PSPC1: variants seen among roughly 807,000 people sequenced by gnomAD.
PSPC1 encodes the protein paraspeckle protein 1.
Under a neutral mutation model 51.6 loss-of-function variants are expected in PSPC1, and 14 were observed. The ratio of observed to expected loss-of-function variants is 0.27; its 90% CI spans 0.18 to 0.42. PSPC1 has a LOEUF of 0.42. Among genes scored for constraint, PSPC1 ranks in the 10% least tolerant of loss-of-function variants. The pLI, the probability that PSPC1 is intolerant of heterozygous loss-of-function variation, is 1.00. For synonymous variants in PSPC1, 193 were observed against 231.9 expected, an observed-to-expected ratio of 0.83 and a Z score of 1.53; for missense variants, 406 against 701.1, an observed-to-expected ratio of 0.58 and a Z score of 4.75.
chr13:19,715,187 C>G (rs1881951137), intron 6 of PSPC1, among the ~76,000 whole-genome samples: 1 of 151,972 alleles, frequency 6.6e-6, no homozygotes, highest in Non-Finnish European at 1.5e-5. Context: ...ACTTTGGCAC[C>G]CTCAATAATT....
chr13:19,751,171 T>G (rs1017662264), intron 4 of PSPC1, 100 bp downstream of exon 4: 28 of 944,868 alleles, frequency 3.0e-5, no homozygotes, highest in Non-Finnish European at 3.8e-5. Flanking sequence ...ACTTTACCTC[T>G]AAACTCCTAA....
At chr13:19,744,290 T>C (rs1885728757) in intron 4 of PSPC1, among the ~76,000 whole-genome samples, 1 of 152,080 alleles carries the variant, frequency 6.6e-6, no homozygotes, top group African/African-American at 2.4e-5. Context: ...GCTTTTAACC[T>C]CTCAGATCTT....
chr13:19,770,441 C>G (rs750169509), intron 2 of PSPC1, among the ~76,000 whole-genome samples: 28 of 152,138 alleles, frequency 1.8e-4, no homozygotes, highest in Admixed American at 7.2e-4. Context: ...AGGTGGATTA[C>G]TTGAGGTCAG....
downstream of PSPC1, among the ~76,000 whole-genome samples, chr13:19,698,235 T>C (rs550864970): frequency 6.6e-6 from 1 of 151,866 alleles, no homozygotes; most frequent in African/African-American, 2.4e-5. Flanking sequence ...TAAATAAAAA[T>C]GTGAAGCTGT....
intron 3 of PSPC1, among the ~76,000 whole-genome samples, chr13:19,757,064 G>C (rs1593726696): frequency 6.6e-6 from 1 of 151,662 alleles, no homozygotes; most frequent in African/African-American, 2.4e-5. Context: ...TGGGAGGCGG[G>C]GGTTGCAGTG....
chr13:19,726,506 T>C (rs1883372274), intron 6 of PSPC1, among the ~76,000 whole-genome samples: 1 of 152,258 alleles, frequency 6.6e-6, no homozygotes, highest in Non-Finnish European at 1.5e-5. Flanking sequence ...CAAAGATCAA[T>C]GTATTACAAT....
chr13:19,730,969 A>AAAAAAAAC (rs1884022608), intron 5 of PSPC1, among the ~76,000 whole-genome samples: 3 of 146,606 alleles, frequency 2.0e-5, no homozygotes, highest in Non-Finnish European at 4.5e-5. Flanking sequence ...AAAAAACAAA[A>AAAAAAAAC]AAAAAAAAAA....
rs1593500629 is a variant in PSPC1, at chr13:19,674,985, C to G, written c.*77-1G>C. 3 of 152,396 alleles carry G rather than the reference C, an allele frequency of 2.0e-5. 1 individual carries two copies. The East Asian group carries it at 5.8e-4, about 29-fold the overall frequency. 9.4% of individuals were successfully genotyped at this position (152,396 alleles called of 1,614,324 possible). The stretch of plus-strand genomic sequence containing the variant: ...AAGCCTCACTAGGCAAGTGGCAAGA[C>G]TGTGAAGACAATGAAGGTTCAGAAT... On this transcript the variant is annotated splice_acceptor_variant and NMD_transcript_variant, in intron 7 of 7. Coordinates refer to the PSPC1 transcript ENST00000471658.
intron 4 of PSPC1, among the ~76,000 whole-genome samples, chr13:19,742,537 G>A (rs1885540623): frequency 6.6e-6 from 1 of 152,088 alleles, no homozygotes; most frequent in Non-Finnish European, 1.5e-5. Flanking sequence ...TTGGGAGTTC[G>A]AGACCAGCAT....
At chr13:19,723,898 GTTA>G (rs1283481637) in intron 6 of PSPC1, among the ~76,000 whole-genome samples, 3 of 152,152 alleles carry the variant, frequency 2.0e-5, no homozygotes, top group Admixed American at 6.5e-5. Context: ...TGCAATGTCT[GTTA>G]TTATCCATTT....
chr13:19,685,167 A>G (rs1436363198), intron 6 of PSPC1, among the ~76,000 whole-genome samples: 1 of 152,232 alleles, frequency 6.6e-6, no homozygotes, highest in Non-Finnish European at 1.5e-5. Flanking sequence ...TTGTAAATGC[A>G]GAAGCTTCCC....
At chr13:19,735,052 T>G (rs1398612696) in intron 5 of PSPC1, among the ~76,000 whole-genome samples, 1 of 150,662 alleles carries the variant, frequency 6.6e-6, no homozygotes, top group Admixed American at 6.6e-5. Flanking sequence ...TGGCTCATGC[T>G]TGTAATCCCA....
intron 7 of PSPC1, among the ~76,000 whole-genome samples, chr13:19,708,851 C>T (rs1181906472): frequency 1.3e-5 from 2 of 152,138 alleles, no homozygotes; most frequent in African/African-American, 2.4e-5. Flanking sequence ...ATTTCCAACT[C>T]GGAAACTATC....
chr13:19,676,866 A>G (rs980543796), intron 7 of PSPC1, among the ~76,000 whole-genome samples: 14 of 152,338 alleles, frequency 9.2e-5, no homozygotes, highest in African/African-American at 3.4e-4. Flanking sequence ...TGACATAACA[A>G]AAGAACCGAA....
At position 19,711,205 on chromosome 13, in the gene PSPC1, A is replaced by C. The variant is rs778418754; in HGVS notation, c.1159-1606T>G. 9.1e-4 allele frequency among the ~76,000 whole-genome samples: 139 copies of C among 152,304 alleles called. 1 individual carries two copies. Among genetic ancestry groups the C allele is most frequent in the Non-Finnish European group, 1.6e-3 (110 of 68,030 alleles). ...ATAAAATTTGTGACCATTAATGGAT[A>C]CTATTGCTGACCTGCAAAAAAAGCT... On this transcript the variant is annotated intron_variant, in intron 6 of 8. Transcript: ENST00000338910.
chr13:19,694,176 CAT>C lies in PSPC1; in HGVS notation c.1159-16355_1159-16354del, dbSNP rs200433071. On this transcript the variant is annotated intron_variant and NMD_transcript_variant, in intron 6 of 7. Transcript: ENST00000471658. ...CCATATATATATATATACATACACA[CAT>C]ACACACACACACACACTAAAACTTT... Among the ~76,000 whole-genome samples, 951 of 135,870 alleles carry C rather than the reference CAT, an allele frequency of 7.0e-3. 8 individuals carry two copies. The highest frequency in any genetic ancestry group is 0.025 in the African/African-American group (895 of 35,582). The allele number at this position is 135,870 out of a possible 152,430, so 89.1% of individuals were successfully genotyped here.
intron 5 of PSPC1, 48 bp downstream of exon 5, chr13:19,741,517 T>C (rs1885428412): frequency 7.4e-7 from 1 of 1,353,936 alleles, no homozygotes; most frequent in South Asian, 1.3e-5. Flanking sequence ...GGGGAGTTTT[T>C]ATTAATAAGA....
intron 7 of PSPC1, among the ~76,000 whole-genome samples, chr13:19,707,119 T>C (rs947591374): frequency 6.6e-6 from 1 of 152,150 alleles, no homozygotes. Context: ...AGTTTCTTTT[T>C]CCTCTCTTTC....
intron 5 of PSPC1, among the ~76,000 whole-genome samples, chr13:19,736,483 A>C (rs563379236): frequency 1.1e-4 from 17 of 152,012 alleles, no homozygotes; most frequent in Non-Finnish European, 2.4e-4. Context: ...GCAGATCGAG[A>C]CCATCCTGGC....
Sources: gnomAD v4.1 joint callset for allele counts (sites outside exome capture counted in the v4.1 genomes callset) on GRCh38, gnomAD v4.1.1 for gene constraint, MANE v1.5 for transcripts, NCBI Gene and HGNC (gene_info 2026-07-23, HGNC 2026-07-21) for gene names.